Variants in MCF2L2 observed in about 807,000 individuals in gnomAD.
The protein encoded by MCF2L2 is MCF.2 cell line derived transforming sequence-like 2.
A neutral mutation model predicts 150.2 loss-of-function variants in MCF2L2; 102 were observed. That is an observed-to-expected ratio of 0.68 (90% CI 0.58 to 0.80). The LOEUF is 0.80. Ranked by LOEUF, MCF2L2 falls within the 30% of genes least tolerant of loss-of-function variation. MCF2L2 has a pLI of 0.00. For synonymous variants in MCF2L2, 465 were observed against 491.3 expected, an observed-to-expected ratio of 0.95 and a Z score of 0.71; for missense variants, 1,256 against 1,372.8, an observed-to-expected ratio of 0.91 and a Z score of 1.34.
At chr3:183,413,242 C>T (rs559240076) in intron 1 of MCF2L2, among the ~76,000 whole-genome samples, 1 of 152,310 alleles carries the variant, frequency 6.6e-6, no homozygotes, top group East Asian at 1.9e-4. Flanking sequence ...CAAAACTTAA[C>T]TGCTAATGCC....
chr3:183,309,351 G>C (rs1241888750), intron 10 of MCF2L2, among the ~76,000 whole-genome samples: 1 of 151,986 alleles, frequency 6.6e-6, no homozygotes, highest in East Asian at 1.9e-4. Context: ...CCAGGCTCCA[G>C]GGAGGAGCTC....
At chr3:183,374,189 G>C (rs1309068418) in intron 3 of MCF2L2, 1 of 152,676 alleles carries the variant, frequency 6.5e-6, no homozygotes, top group Non-Finnish European at 1.5e-5. Flanking sequence ...GCCTCTTCCT[G>C]CTCACTGTGC....
rs528720361 is a variant in MCF2L2 at position 183,286,756 on chromosome 3, A to T, written c.1776+2364T>A. 5.3e-4 allele frequency among the ~76,000 whole-genome samples: 81 copies of T among 152,202 alleles called. 1 individual carries two copies. Among genetic ancestry groups the T allele is most frequent in the African/African-American group, 1.9e-3 (79 of 41,530 alleles). ...TGGATTCTGCTTACATTTCCTCCCA[A>T]AGCCTTGGTCTTTCTAAGCAGAAAT... On this transcript the variant is annotated intron_variant, in intron 14 of 29. Coordinates refer to ENST00000328913, the MANE Select transcript of MCF2L2 (RefSeq NM_015078.4).
intron 14 of MCF2L2, 74 bp downstream of exon 14, chr3:183,289,046 G>A (rs1232898485): frequency 3.0e-6 from 3 of 985,322 alleles, no homozygotes; most frequent in Non-Finnish European, 1.6e-6. Flanking sequence ...ACAATTTGTT[G>A]ATTTATTGAT....
rs1444864795 is a variant in MCF2L2 at position 183,206,899 on chromosome 3, AAGAC to A, written c.2713-689_2713-686del. ...AAGAAAGAAAGAAAGACAAGAAAGA[AAGAC>A]AGAAAGAAAGAAAGGAAGGAAGGAA... On this transcript the variant is annotated intron_variant, in intron 23 of 29. Coordinates refer to ENST00000328913, the MANE Select transcript of MCF2L2 (RefSeq NM_015078.4). Among the ~76,000 whole-genome samples the A allele has an allele frequency of 5.4e-3, 814 of 149,720 alleles. 14 individuals are homozygous for A. Among genetic ancestry groups the A allele is most frequent in the African/African-American group, 0.019 (758 of 40,418 alleles).
intron 13 of MCF2L2, among the ~76,000 whole-genome samples, chr3:183,289,463 G>C (rs1345310397): frequency 2.6e-5 from 4 of 152,142 alleles, no homozygotes; most frequent in African/African-American, 9.7e-5. Flanking sequence ...GTCACACCCA[G>C]CACCATATGA....
chr3:183,204,984 G>A (rs530155501), intron 25 of MCF2L2, among the ~76,000 whole-genome samples: 1 of 152,362 alleles, frequency 6.6e-6, no homozygotes, highest in African/African-American at 2.4e-5. Context: ...CTGGGTAAAG[G>A]TGAGAGATGG....
At chr3:183,263,952 C>A (rs1320229036) in intron 15 of MCF2L2, among the ~76,000 whole-genome samples, 1 of 152,110 alleles carries the variant, frequency 6.6e-6, no homozygotes, top group Admixed American at 6.5e-5. Flanking sequence ...ACTAGGCCTT[C>A]CTCACCTCAT....
chr3:183,179,364 G>A lies in MCF2L2; in HGVS notation c.*16C>T. 7.0e-7 allele frequency: 1 copy of A among 1,435,556 alleles called. No homozygotes were observed. The highest frequency in any genetic ancestry group is 9.1e-7 in the Non-Finnish European group (1 of 1,095,886). 88.9% of individuals were successfully genotyped at this position (1,435,556 alleles called of 1,614,324 possible). A position where few individuals can be genotyped will look rare whatever the true frequency, so the allele number is the denominator to read the frequency against. On this transcript the variant is annotated 3_prime_UTR_variant, in exon 30 of 30. Transcript: ENST00000328913. The surrounding 1 kb of genome is among the most constrained non-coding windows in gnomAD (Gnocchi z 4.2). ...GGGCGCTCTGGAGCCGAGGAGCGGG[G>A]GCGTCCGCAGGGAGGTCAGCTCTCC...
intron 13 of MCF2L2, among the ~76,000 whole-genome samples, chr3:183,294,539 G>GTA (rs1372555732): frequency 2.1e-5 from 3 of 141,144 alleles, no homozygotes; most frequent in South Asian, 2.4e-4. Flanking sequence ...ATATATATAT[G>GTA]TATATATATG....
chr3:183,334,018 T>C (rs1028223718), intron 5 of MCF2L2, among the ~76,000 whole-genome samples: 12 of 150,040 alleles, frequency 8.0e-5, no homozygotes, highest in African/African-American at 2.7e-4. Flanking sequence ...AGAGTCAGCT[T>C]GAAGGGGTTC....
chr3:183,207,805 C>A lies in MCF2L2; in HGVS notation c.2515G>T (p.Gly839Cys). 6.2e-7 allele frequency: 1 copy of A among 1,614,066 alleles called. No homozygotes were observed. The part of the protein sequence containing the change: ...TECPDDIGKL[G>C]KLLLHGPFSV... ...AAAGGGCCGTGCAGCAACAGCTTGC[C>A]TAGTTTTCCAATATCGTCCTTTTGG... Residue 839 changes from glycine (G) to cysteine (C), a missense_variant, in exon 23 of 30, where the codon GGC becomes TGC. Physicochemically the swap from Gly to Cys is radical, Grantham distance 159. Coordinates refer to ENST00000328913, the MANE Select transcript of MCF2L2 (RefSeq NM_015078.4).
intron 10 of MCF2L2, among the ~76,000 whole-genome samples, chr3:183,303,314 A>G (rs1331925169): frequency 6.6e-6 from 1 of 152,214 alleles, no homozygotes; most frequent in Non-Finnish European, 1.5e-5. Context: ...TGAGCCAATG[A>G]GCTACATGAT....
intron 7 of MCF2L2, among the ~76,000 whole-genome samples, chr3:183,316,553 C>T (rs1729611947): frequency 6.6e-6 from 1 of 151,934 alleles, no homozygotes; most frequent in Admixed American, 6.6e-5. Context: ...CCATGTTGTC[C>T]AGGCTGGTCT....
chr3:183,327,974 A>G (rs1299934350), intron 5 of MCF2L2, among the ~76,000 whole-genome samples: 2 of 152,156 alleles, frequency 1.3e-5, no homozygotes, highest in Non-Finnish European at 2.9e-5. Flanking sequence ...CAGGGTGGGA[A>G]CTCTAGATAG....
At chr3:183,195,948 A>G (rs1018252791) in intron 25 of MCF2L2, among the ~76,000 whole-genome samples, 6 of 152,044 alleles carry the variant, frequency 3.9e-5, no homozygotes, top group Non-Finnish European at 5.9e-5. Flanking sequence ...CGTGGCCTTG[A>G]TTTCTGCCGG....
In MCF2L2 at chr3:183,334,240, T is replaced by C. The variant is rs75542276; in HGVS notation, c.486+4560A>G. 2.4e-3 allele frequency among the ~76,000 whole-genome samples: 367 copies of C among 152,244 alleles called. 1 individual carries two copies. Among genetic ancestry groups the C allele is most frequent in the Middle Eastern group, 0.01 (3 of 294 alleles). ...TTATTTTGTAACCAATAAATAAAGG[T>C]TGTTTCAGGCAAGAATCTTTAATGG... On this transcript the variant is annotated intron_variant, in intron 5 of 29. Transcript: ENST00000328913.
At chr3:183,282,611 G>A (rs1378715331) in intron 14 of MCF2L2, among the ~76,000 whole-genome samples, 1 of 152,164 alleles carries the variant, frequency 6.6e-6, no homozygotes, top group Admixed American at 6.5e-5. Context: ...CAGTAAGTGT[G>A]CCAAGGACAC....
intron 15 of MCF2L2, among the ~76,000 whole-genome samples, chr3:183,241,027 A>G (rs1249439340): frequency 6.6e-6 from 1 of 152,216 alleles, no homozygotes; most frequent in Admixed American, 6.5e-5. Flanking sequence ...ACCTTAATAA[A>G]TTTAGAGTCT....
Sources: gnomAD v4.1 joint callset for allele counts (sites outside exome capture counted in the v4.1 genomes callset) on GRCh38, gnomAD v4.1.1 for gene constraint, Gnocchi (gnomAD v3.1) non-coding constraint, MANE v1.5 for transcripts, NCBI Gene and HGNC (gene_info 2026-07-23, HGNC 2026-07-21) for gene names.